Variants in PDE4D observed in about 807,000 individuals in gnomAD.
The protein encoded by PDE4D is 3',5'-cyclic-AMP phosphodiesterase 4D.
Under a neutral mutation model 87.4 loss-of-function variants are expected in PDE4D, and 24 were observed. The ratio of observed to expected loss-of-function variants is 0.27; its 90% confidence interval spans 0.20 to 0.39. PDE4D has a LOEUF of 0.39. Among genes scored for constraint, PDE4D ranks in the 10% least tolerant of loss-of-function variants. The pLI, the probability that PDE4D is intolerant of heterozygous loss-of-function variation, is 1.00. For missense variants in PDE4D, 714 were observed against 1,041.0 expected, an observed-to-expected ratio of 0.69 and a Z score of 4.32; for synonymous variants, 384 against 383.2, an observed-to-expected ratio of 1.00 and a Z score of -0.02.
chr5:60,352,662 T>TTCTGCCTGC (rs1759303581), intron 1 of PDE4D, among the ~76,000 whole-genome samples: 1 of 152,164 alleles, frequency 6.6e-6, no homozygotes, highest in African/African-American at 2.4e-5. Context: ...GATTCTGCAT[T>TTCTGCCTGC]TCTGCCTGCT....
intron 1 of PDE4D, among the ~76,000 whole-genome samples, chr5:59,269,863 T>G (rs1298063946): frequency 6.6e-6 from 1 of 152,076 alleles, no homozygotes; most frequent in African/African-American, 2.4e-5. Context: ...TCACATTTCA[T>G]TAATAAAAAA....
At chr5:59,114,929 T>C (rs1055764545) in intron 5 of PDE4D, among the ~76,000 whole-genome samples, 15 of 151,834 alleles carry the variant, frequency 9.9e-5, no homozygotes, top group African/African-American at 3.6e-4. Context: ...TTCTAGAAGT[T>C]TGGGTGCGAA....
chr5:60,273,611 G>A (rs1751043868), intron 1 of PDE4D, among the ~76,000 whole-genome samples: 1 of 152,066 alleles, frequency 6.6e-6, no homozygotes, highest in African/African-American at 2.4e-5. Context: ...AGCAAGAGAT[G>A]GTGAAGACCT....
At chr5:59,137,452 C>T (rs777704232) in intron 5 of PDE4D, among the ~76,000 whole-genome samples, 23 of 151,102 alleles carry the variant, frequency 1.5e-4, no homozygotes, top group Non-Finnish European at 3.1e-4. Context: ...CAGTATTATT[C>T]ATTAGAAAAA....
chr5:59,639,541 C>T (rs1034274757), intron 1 of PDE4D, among the ~76,000 whole-genome samples: 1 of 152,066 alleles, frequency 6.6e-6, no homozygotes, highest in Non-Finnish European at 1.5e-5. Context: ...CCATGGGAAG[C>T]TAAGGAGAGA....
At chr5:60,493,578 A>G (rs370353936) in intron 1 of PDE4D, among the ~76,000 whole-genome samples, 142 of 138,756 alleles carry the variant, frequency 1.0e-3, no homozygotes, top group African/African-American at 3.5e-3. Context: ...GGACTTCTAT[A>G]CACAATCATT....
chr5:60,365,423 T>C (rs529365240), intron 1 of PDE4D, among the ~76,000 whole-genome samples: 2 of 152,222 alleles, frequency 1.3e-5, no homozygotes, highest in Admixed American at 1.3e-4. Flanking sequence ...TCCCTATAAA[T>C]AGGGAAATAC....
intron 1 of PDE4D, among the ~76,000 whole-genome samples, chr5:59,495,873 T>C (rs1239237462): frequency 6.6e-6 from 1 of 152,156 alleles, no homozygotes; most frequent in Non-Finnish European, 1.5e-5. Context: ...GGTGGATGTT[T>C]ACAGCTCCCA....
At chr5:60,460,146 G>A in intron 1 of PDE4D, 1 of 1,599,058 alleles carries the variant, frequency 6.3e-7, no homozygotes, top group South Asian at 1.1e-5. Context: ...TCTTCCTGCT[G>A]GCTTTATTCT....
At chr5:60,186,233 C>T (rs920472629) in intron 1 of PDE4D, among the ~76,000 whole-genome samples, 1 of 152,092 alleles carries the variant, frequency 6.6e-6, no homozygotes, top group Admixed American at 6.6e-5. Context: ...CCCTTTAGTT[C>T]TTAGTGGTTG....
chr5:60,490,037 A>G (rs1053857505), upstream of PDE4D: 1 of 152,280 alleles, frequency 6.6e-6, no homozygotes, highest in Non-Finnish European at 1.5e-5. Context: ...CAGTCATTCA[A>G]GTGGAAGCTT....
intron 1 of PDE4D, among the ~76,000 whole-genome samples, chr5:60,191,965 A>C (rs1785231849): frequency 6.6e-6 from 1 of 152,102 alleles, no homozygotes; most frequent in Admixed American, 6.6e-5. Context: ...GCACCATTGC[A>C]CTCCAGGCTG....
At chr5:59,114,037 C>A (rs1019635916) in intron 5 of PDE4D, among the ~76,000 whole-genome samples, 1 of 152,134 alleles carries the variant, frequency 6.6e-6, no homozygotes, top group African/African-American at 2.4e-5. Flanking sequence ...TTTCAATAGT[C>A]ATTTCTTAAG....
chr5:59,435,799 G>C (rs1796729621), intron 1 of PDE4D, among the ~76,000 whole-genome samples: 1 of 152,258 alleles, frequency 6.6e-6, no homozygotes, highest in South Asian at 2.1e-4. Context: ...ACTTTCCCAA[G>C]AATAATAATT....
At chr5:60,035,507 T>G (rs1397095976) in intron 2 of PDE4D, among the ~76,000 whole-genome samples, 1 of 152,182 alleles carries the variant, frequency 6.6e-6, no homozygotes, top group East Asian at 1.9e-4. Flanking sequence ...TCTGTATGCT[T>G]CTAGACCCCC....
At chr5:60,277,017 T>C (rs1393965813) in intron 1 of PDE4D, among the ~76,000 whole-genome samples, 1 of 152,040 alleles carries the variant, frequency 6.6e-6, no homozygotes, top group Non-Finnish European at 1.5e-5. Context: ...TTTTGCTTTG[T>C]TTTGCTTTAA....
At position 58,973,853 on chromosome 5, in the gene PDE4D, A is replaced by C. The variant is rs1021999235; in HGVS notation, c.*811T>G. 1 of 150,714 alleles carries C rather than the reference A, an allele frequency of 6.6e-6. No individual in the cohort carries two copies. Among genetic ancestry groups the C allele is most frequent in the Non-Finnish European group, 1.5e-5 (1 of 67,432 alleles). The allele number at this position is 150,714 out of a possible 1,614,324, so 9.3% of individuals were successfully genotyped here. ...TTTTCTCTTTTAAAATATGGAAGTCATTGGTATATAAAACAAACAATGAAT... is the reference window on the plus strand; with the variant it reads ...TTTTCTCTTTTAAAATATGGAAGTCCTTGGTATATAAAACAAACAATGAAT... On this transcript the variant is annotated 3_prime_UTR_variant, in exon 15 of 15. Transcript: ENST00000340635.
chr5:59,552,010 G>A (rs778618990), intron 1 of PDE4D, among the ~76,000 whole-genome samples: 6 of 152,114 alleles, frequency 3.9e-5, no homozygotes, highest in Non-Finnish European at 7.4e-5. Context: ...GAGCCCAGGA[G>A]TTTGAGACCA....
chr5:59,548,012 G>C (rs2153686547), intron 1 of PDE4D, among the ~76,000 whole-genome samples: 1 of 152,274 alleles, frequency 6.6e-6, no homozygotes, highest in South Asian at 2.1e-4. Flanking sequence ...ACCACATAGA[G>C]AAAGTCTTAG....
Sources: gnomAD v4.1 joint callset for allele counts (sites outside exome capture counted in the v4.1 genomes callset) on GRCh38, gnomAD v4.1.1 for gene constraint, MANE v1.5 for transcripts, NCBI Gene and HGNC (gene_info 2026-07-23, HGNC 2026-07-21) for gene names.